CATSPERT: variants seen among roughly 807,000 people sequenced by gnomAD.
CATSPERT encodes cation channel sperm-associated targeting subunit tau.
At chr2:201,521,608 G>A in the CATSPERT span, among the ~76,000 whole-genome samples, 1 of 152,062 alleles carries the variant, frequency 6.6e-6, no homozygotes, top group Non-Finnish European at 1.5e-5. Context: ...ATTTGGGTGG[G>A]GATGCAAATC....
the CATSPERT span, among the ~76,000 whole-genome samples, chr2:201,541,531 TTATATATATATATATATA>T: frequency 0.037 from 3,403 of 92,708 alleles, 164 homozygotes; most frequent in African/African-American, 0.096. Context: ...TCAGATGATT[TTATATATATATATATATA>T]TATATATATA....
At chr2:201,572,029 A>C in the CATSPERT span, 1 of 1,603,288 alleles carries the variant, frequency 6.2e-7, no homozygotes, top group African/African-American at 1.3e-5. Flanking sequence ...AACTGAAAAA[A>C]ATGTAAGTGT....
chr2:201,575,283 A>G, the CATSPERT span: 1 of 1,588,408 alleles, frequency 6.3e-7, no homozygotes. Context: ...AGTCCTTACT[A>G]TGTTTCCATG....
At chr2:201,615,742 C>A in the CATSPERT span, among the ~76,000 whole-genome samples, 1 of 152,056 alleles carries the variant, frequency 6.6e-6, no homozygotes, top group African/African-American at 2.4e-5. Context: ...CACAAAAAAA[C>A]CTTCAAAAAA....
At chr2:201,512,937 G>A in the CATSPERT span, among the ~76,000 whole-genome samples, 1 of 151,250 alleles carries the variant, frequency 6.6e-6, no homozygotes, top group African/African-American at 2.4e-5. Flanking sequence ...GTTGTGGGGT[G>A]GGGGGAGGAG....
At chr2:201,547,428 A>G in the CATSPERT span, 6 of 813,512 alleles carry the variant, frequency 7.4e-6, no homozygotes, top group South Asian at 9.8e-5. Flanking sequence ...TTTGATCATC[A>G]CTTTTAATTA....
the CATSPERT span, among the ~76,000 whole-genome samples, chr2:201,512,090 A>T: frequency 6.6e-6 from 1 of 152,006 alleles, no homozygotes; most frequent in Non-Finnish European, 1.5e-5. Flanking sequence ...TGGGTTACAA[A>T]CCCAATTTAT....
At chr2:201,544,006 C>A in the CATSPERT span, among the ~76,000 whole-genome samples, 1 of 152,098 alleles carries the variant, frequency 6.6e-6, no homozygotes, top group South Asian at 2.1e-4. Flanking sequence ...TATCCCTCCC[C>A]ACTGCCCCCA....
chr2:201,487,854 G>T, the CATSPERT span: 1 of 1,613,610 alleles, frequency 6.2e-7, no homozygotes, highest in South Asian at 1.1e-5. Flanking sequence ...TTTTTAAGGT[G>T]TGTAAATGAG....
At chr2:201,604,586 G>A in the CATSPERT span, 2 of 1,438,184 alleles carry the variant, frequency 1.4e-6, no homozygotes, top group East Asian at 4.9e-5. Flanking sequence ...ACTTATACAG[G>A]TTTTTGAGGG....
At chr2:201,565,819 A>T in the CATSPERT span, 1 of 1,611,482 alleles carries the variant, frequency 6.2e-7, no homozygotes, top group South Asian at 1.1e-5. Flanking sequence ...AGTAACATTC[A>T]GGTCTGGGGA....
chr2:201,618,705 TAATAAAA>T, the CATSPERT span, among the ~76,000 whole-genome samples: 6 of 143,204 alleles, frequency 4.2e-5, no homozygotes, highest in Non-Finnish European at 7.7e-5. Flanking sequence ...ACTTAAAGTA[TAATAAAA>T]AATAAAAAAT....
the CATSPERT span, chr2:201,604,794 T>G: frequency 1.2e-6 from 1 of 850,132 alleles, no homozygotes; most frequent in South Asian, 2.0e-5. Flanking sequence ...CTAGTAAGTG[T>G]CAGGTCTCCT....
chr2:201,514,852 T>G, the CATSPERT span, among the ~76,000 whole-genome samples: 1 of 152,234 alleles, frequency 6.6e-6, no homozygotes, highest in Non-Finnish European at 1.5e-5. Flanking sequence ...GTCCAGATAT[T>G]TAGGGGAAAC....
At chr2:201,493,162 A>C in the CATSPERT span, 1 of 1,528,648 alleles carries the variant, frequency 6.5e-7, no homozygotes, top group African/African-American at 1.4e-5. Context: ...TGATTCACTA[A>C]GTTTATCCAT....
the CATSPERT span, among the ~76,000 whole-genome samples, chr2:201,599,613 C>CT: frequency 6.6e-6 from 1 of 151,958 alleles, no homozygotes; most frequent in African/African-American, 2.4e-5. Flanking sequence ...ATGTGTCTTG[C>CT]TTTTTTATGT....
the CATSPERT span, among the ~76,000 whole-genome samples, chr2:201,586,611 A>G: frequency 3.9e-5 from 6 of 151,984 alleles, no homozygotes; most frequent in African/African-American, 1.4e-4. Flanking sequence ...TGTAATTTAT[A>G]TTTTTCTAAT....
At chr2:201,603,300 A>T in the CATSPERT span, 44 of 1,599,666 alleles carry the variant, frequency 2.8e-5, no homozygotes, top group Non-Finnish European at 3.7e-5. Context: ...ACAAAAACAC[A>T]GACAGTGAAT....
chr2:201,492,039 T>C, the CATSPERT span: 4 of 1,532,408 alleles, frequency 2.6e-6, no homozygotes, highest in Admixed American at 8.0e-5. Flanking sequence ...TGTAATAACT[T>C]TTCTGTTCCT....
Sources: gnomAD v4.1 joint callset for allele counts (sites outside exome capture counted in the v4.1 genomes callset) on GRCh38, gnomAD v4.1.1 for gene constraint, MANE v1.5 for transcripts, NCBI Gene and HGNC (gene_info 2026-07-23, HGNC 2026-07-21) for gene names.